UNC13C: variants seen among roughly 807,000 people sequenced by gnomAD.
UNC13C encodes unc-13 homolog C.
In UNC13C, 174 loss-of-function variants were observed where a neutral mutation model predicts 245.4. The ratio of observed to expected loss-of-function variants is 0.71; its 90% CI spans 0.63 to 0.80. The LOEUF (loss-of-function observed/expected upper bound fraction) is 0.80. Ranked by LOEUF, UNC13C falls within the 30% of genes least tolerant of loss-of-function variation. UNC13C has a pLI of 0.00. For missense variants in UNC13C, 2,829 were observed against 2,602.9 expected (o/e 1.09, Z -1.89); for synonymous variants, 992 against 895.1 (o/e 1.11, Z -1.93).
At chr15:54,567,710 T>C in intron 29 of UNC13C, 90 bp from the exon 30 acceptor site, 1 of 1,194,394 alleles carries the variant, frequency 8.4e-7, no homozygotes, top group Non-Finnish European at 1.1e-6. Flanking sequence ...CAAATTGTAT[T>C]ATTCCATTTG....
At chr15:54,460,236 A>G (rs1344140417) in intron 19 of UNC13C, among the ~76,000 whole-genome samples, 1 of 152,170 alleles carries the variant, frequency 6.6e-6, no homozygotes, top group Non-Finnish European at 1.5e-5. Context: ...GAGTCCTGTG[A>G]TGTGATCCAT....
chr15:54,026,744 C>T (rs1263098242), intron 2 of UNC13C, among the ~76,000 whole-genome samples: 1 of 152,114 alleles, frequency 6.6e-6, no homozygotes, highest in African/African-American at 2.4e-5. Context: ...TGTCTTTGGT[C>T]TAATTTTCCT....
chr15:54,552,732 T>C (rs1896864196), intron 28 of UNC13C, among the ~76,000 whole-genome samples: 1 of 76,928 alleles, frequency 1.3e-5, no homozygotes, highest in South Asian at 4.5e-4. Flanking sequence ...CAATATATAA[T>C]ATAATATATA....
At chr15:54,389,701 T>A (rs576776242) in intron 17 of UNC13C, among the ~76,000 whole-genome samples, 170 of 152,192 alleles carry the variant, frequency 1.1e-3, no homozygotes, top group African/African-American at 3.9e-3. Flanking sequence ...TCATGTGGTT[T>A]TGTGTGTACA....
intron 17 of UNC13C, among the ~76,000 whole-genome samples, chr15:54,390,478 C>T (rs750288490): frequency 6.6e-6 from 1 of 152,010 alleles, no homozygotes; most frequent in Non-Finnish European, 1.5e-5. Context: ...TCTGTAAAGT[C>T]TGTTTCTTCA....
intron 19 of UNC13C, among the ~76,000 whole-genome samples, chr15:54,428,726 C>G (rs983835863): frequency 4.0e-5 from 6 of 151,506 alleles, no homozygotes; most frequent in Non-Finnish European, 7.4e-5. Flanking sequence ...GGTATGGTCT[C>G]TGTGCTAGAT....
chr15:54,023,354 T>G (rs1292901787), intron 2 of UNC13C, among the ~76,000 whole-genome samples: 3 of 152,226 alleles, frequency 2.0e-5, no homozygotes, highest in African/African-American at 7.2e-5. Flanking sequence ...CTTATGTTTT[T>G]AAGCATCTGT....
At chr15:54,092,243 G>A (rs1454581048) in intron 2 of UNC13C, among the ~76,000 whole-genome samples, 3 of 152,090 alleles carry the variant, frequency 2.0e-5, no homozygotes, top group Non-Finnish European at 4.4e-5. Context: ...ATAGCATTAT[G>A]GAGTCAAGTA....
intron 4 of UNC13C, among the ~76,000 whole-genome samples, chr15:54,178,120 C>T (rs1265960468): frequency 6.6e-6 from 1 of 152,068 alleles, no homozygotes; most frequent in East Asian, 1.9e-4. Flanking sequence ...TTTTCAGCTA[C>T]AGTAAATCAA....
chr15:54,524,990 C>G (rs1452845040), intron 24 of UNC13C, among the ~76,000 whole-genome samples: 2 of 152,154 alleles, frequency 1.3e-5, no homozygotes, highest in Non-Finnish European at 2.9e-5. Context: ...AAAGTCAGGA[C>G]TATCGTCTCC....
chr15:53,838,024 AT>A, the UNC13C span, among the ~76,000 whole-genome samples: 1 of 152,098 alleles, frequency 6.6e-6, no homozygotes, highest in Non-Finnish European at 1.5e-5. Flanking sequence ...TTAATCATCA[AT>A]TTTTTGAATT....
chr15:54,542,155 G>C (rs533649190), intron 26 of UNC13C, among the ~76,000 whole-genome samples: 1 of 152,060 alleles, frequency 6.6e-6, no homozygotes, highest in Admixed American at 6.6e-5. Flanking sequence ...TGAATAAAAA[G>C]GGATCATTTG....
chr15:54,319,449 C>A (rs901299313), intron 13 of UNC13C, among the ~76,000 whole-genome samples: 8 of 151,866 alleles, frequency 5.3e-5, no homozygotes, highest in African/African-American at 1.9e-4. Context: ...TAACACTTAT[C>A]ATTTCCTTAA....
chr15:54,126,352 C>T (rs1353795425), intron 2 of UNC13C, among the ~76,000 whole-genome samples: 1 of 152,080 alleles, frequency 6.6e-6, no homozygotes, highest in Non-Finnish European at 1.5e-5. Flanking sequence ...ATAAAGTAGA[C>T]TTCAAAGCAA....
intron 28 of UNC13C, among the ~76,000 whole-genome samples, chr15:54,553,723 G>C (rs886775249): frequency 1.3e-5 from 2 of 151,118 alleles, no homozygotes; most frequent in African/African-American, 4.9e-5. Flanking sequence ...TGAATGATCT[G>C]TTGCTAAATT....
chr15:53,931,710 ACT>A, the UNC13C span, among the ~76,000 whole-genome samples: 1 of 151,808 alleles, frequency 6.6e-6, no homozygotes, highest in African/African-American at 2.4e-5. Context: ...GTTTTGAAAG[ACT>A]CTGCGACTCT....
chr15:53,937,357 C>T, the UNC13C span, among the ~76,000 whole-genome samples: 2 of 152,080 alleles, frequency 1.3e-5, no homozygotes, highest in African/African-American at 2.4e-5. Context: ...AAGGAACAAA[C>T]AAAACCTCCA....
chr15:53,905,190 C>G, the UNC13C span, among the ~76,000 whole-genome samples: 1 of 152,070 alleles, frequency 6.6e-6, no homozygotes, highest in Non-Finnish European at 1.5e-5. Flanking sequence ...TATGATCCAG[C>G]AATCCCACTA....
intron 8 of UNC13C, among the ~76,000 whole-genome samples, chr15:54,254,645 G>T (rs2036233591): frequency 6.6e-6 from 1 of 152,180 alleles, no homozygotes; most frequent in Admixed American, 6.5e-5. Flanking sequence ...TACTGCTTTG[G>T]CTGAGTTCAG....
Sources: gnomAD v4.1 joint callset for allele counts (sites outside exome capture counted in the v4.1 genomes callset) on GRCh38, gnomAD v4.1.1 for gene constraint, MANE v1.5 for transcripts, NCBI Gene and HGNC (gene_info 2026-07-23, HGNC 2026-07-21) for gene names.